LAMB4: variants seen among roughly 807,000 people sequenced by gnomAD.
LAMB4 encodes the protein laminin subunit beta-4.
LAMB4 carries 196 observed loss-of-function variants against 199.2 expected under a neutral mutation model. That is an observed-to-expected ratio of 0.98 (90% confidence interval 0.88 to 1.11). The LOEUF is 1.11. Among genes scored for constraint, LAMB4 ranks in the 50% least tolerant of loss-of-function variants. LAMB4 has a pLI of 0.00. For missense variants in LAMB4, 2,080 were observed against 2,171.2 expected, an observed-to-expected ratio of 0.96 and a Z score of 0.83; for synonymous variants, 744 against 770.6, an observed-to-expected ratio of 0.97 and a Z score of 0.57.
intron 31 of LAMB4, among the ~76,000 whole-genome samples, chr7:108,033,038 A>G (rs1027976411): frequency 6.6e-6 from 1 of 152,178 alleles, no homozygotes; most frequent in African/African-American, 2.4e-5. Context: ...TGTTTTTTTC[A>G]ACTACCAGGG....
chr7:108,020,893 G>C (rs895541561), downstream of LAMB4, among the ~76,000 whole-genome samples: 1 of 152,170 alleles, frequency 6.6e-6, no homozygotes, highest in African/African-American at 2.4e-5. Context: ...GCAAAAAAGG[G>C]GGGTGTATAA....
intron 29 of LAMB4, among the ~76,000 whole-genome samples, chr7:108,041,623 C>A (rs1361942420): frequency 2.0e-5 from 3 of 152,132 alleles, no homozygotes; most frequent in Non-Finnish European, 4.4e-5. Context: ...AGGCCATTAT[C>A]CTTAGCAAAC....
downstream of LAMB4, among the ~76,000 whole-genome samples, chr7:108,021,126 T>G (rs2034683977): frequency 1.3e-5 from 2 of 152,232 alleles, no homozygotes; most frequent in Admixed American, 1.3e-4. Flanking sequence ...TATTTTTAAT[T>G]ATAAAATATA....
chr7:108,094,882 T>C (rs1331786084), intron 12 of LAMB4, among the ~76,000 whole-genome samples: 1 of 152,176 alleles, frequency 6.6e-6, no homozygotes, highest in African/African-American at 2.4e-5. Context: ...GTACAAGGGA[T>C]AGAAGAAAGT....
At chr7:108,103,732 G>A (rs529528894) in intron 9 of LAMB4, among the ~76,000 whole-genome samples, 3 of 152,328 alleles carry the variant, frequency 2.0e-5, no homozygotes, top group Non-Finnish European at 2.9e-5. Flanking sequence ...CCAGTGGCCT[G>A]GAGGGAAAGG....
rs150775395 is a variant in LAMB4, at chr7:108,107,658, C to T, written c.564G>A (p.Ser188=). The T allele has an allele frequency of 4.1e-4, 660 of 1,610,216 alleles. No homozygotes were observed. The highest frequency in any genetic ancestry group is 1.8e-3 in the Middle Eastern group (11 of 6,074). Residue 188 remains serine (S), a synonymous_variant, in exon 6 of 34, where the codon TCG becomes TCA. Coordinates refer to ENST00000388781, the MANE Select transcript of LAMB4 (RefSeq NM_007356.3). ...VGDIVCDSKY[S]DIEPSTGGEV... ...CTCCACCTGTTGAGGGTTCAATATC[C>T]GAGTATTTGGAGTCACAAACAATGT...
intron 17 of LAMB4, among the ~76,000 whole-genome samples, chr7:108,073,298 G>A (rs906205783): frequency 2.0e-5 from 3 of 152,198 alleles, no homozygotes; most frequent in Middle Eastern, 3.2e-3. Flanking sequence ...AAGCCACCGC[G>A]CCCGGCCAGC....
chr7:108,125,217 G>A (rs1270740945), intron 1 of LAMB4, among the ~76,000 whole-genome samples: 2 of 152,056 alleles, frequency 1.3e-5, no homozygotes, highest in Non-Finnish European at 2.9e-5. Context: ...TAGGCCACCC[G>A]AACCTGCACA....
At chr7:108,073,953 G>A (rs867472342) in intron 17 of LAMB4, among the ~76,000 whole-genome samples, 1 of 151,992 alleles carries the variant, frequency 6.6e-6, no homozygotes, top group Non-Finnish European at 1.5e-5. Context: ...CAGTGGGGCG[G>A]GTGGTGGTGG....
At chr7:108,043,344 C>G (rs1230047283) in intron 29 of LAMB4, among the ~76,000 whole-genome samples, 2 of 151,918 alleles carry the variant, frequency 1.3e-5, no homozygotes, top group African/African-American at 4.8e-5. Context: ...TAACTTTAAA[C>G]ACAAAGTTCA....
chr7:108,118,979 G>T (rs1271172587), intron 2 of LAMB4, among the ~76,000 whole-genome samples: 7 of 152,150 alleles, frequency 4.6e-5, no homozygotes, highest in Non-Finnish European at 7.4e-5. Flanking sequence ...AATGGCAAGT[G>T]ACATGAACAG....
chr7:108,036,271 C>A (rs993471360), intron 30 of LAMB4, among the ~76,000 whole-genome samples: 1 of 151,680 alleles, frequency 6.6e-6, no homozygotes, highest in African/African-American at 2.4e-5. Flanking sequence ...CTCACTGCAA[C>A]CTCCACCTCC....
intron 21 of LAMB4, 138 bp downstream of exon 21, chr7:108,065,624 T>C: frequency 1.8e-6 from 1 of 569,182 alleles, no homozygotes; most frequent in South Asian, 3.8e-5. Context: ...ATAAAGCAGC[T>C]ATTTATCACA....
chr7:108,065,759 T>C lies in LAMB4; in HGVS notation c.2836+3A>G, dbSNP rs771327771. ...AAATTGCATCAAGCACTATACTGCA[T>C]ACCCGTATAACCTTGAAGACAATTG... On this transcript the variant is annotated splice_donor_region_variant and intron_variant, in intron 21 of 33. Transcript: ENST00000388781. 1.2e-6 allele frequency: 2 copies of C among 1,613,094 alleles called. No individual in the cohort carries two copies. Among genetic ancestry groups the C allele is most frequent in the Non-Finnish European group, 1.7e-6 (2 of 1,179,324 alleles).
the LAMB4 span, among the ~76,000 whole-genome samples, chr7:108,013,643 A>G: frequency 6.6e-6 from 1 of 152,172 alleles, no homozygotes; most frequent in Non-Finnish European, 1.5e-5. Context: ...ATAAATTATA[A>G]TCGGGAAGGT....
downstream of LAMB4, among the ~76,000 whole-genome samples, chr7:108,023,193 A>G (rs960940493): frequency 1.3e-5 from 2 of 152,200 alleles, no homozygotes; most frequent in African/African-American, 2.4e-5. Context: ...ATGTTGATGT[A>G]TATTATTTCT....
At chr7:108,125,784 G>A (rs184924876) in intron 1 of LAMB4, among the ~76,000 whole-genome samples, 23 of 152,304 alleles carry the variant, frequency 1.5e-4, no homozygotes, top group Admixed American at 9.2e-4. Context: ...AAGAACAAGC[G>A]GAATGCCTTT....
At chr7:108,120,940 T>C (rs552568317) in intron 2 of LAMB4, among the ~76,000 whole-genome samples, 10 of 152,346 alleles carry the variant, frequency 6.6e-5, no homozygotes, top group African/African-American at 2.4e-4. Flanking sequence ...ATTATTCCTG[T>C]AACATTATAA....
intron 11 of LAMB4, among the ~76,000 whole-genome samples, chr7:108,095,774 C>T (rs1563088217): frequency 6.6e-6 from 1 of 152,084 alleles, no homozygotes; most frequent in Non-Finnish European, 1.5e-5. Context: ...TGTCTTAATT[C>T]CCCCCTCCTT....
Sources: allele counts gnomAD v4.1 joint callset (sites outside exome capture counted in the v4.1 genomes callset), GRCh38; gene constraint gnomAD v4.1.1; transcripts MANE v1.5; gene names NCBI Gene and HGNC (gene_info 2026-07-23, HGNC 2026-07-21).